Variants in AZI2 observed in about 807,000 individuals in gnomAD.
AZI2 encodes the protein 5-azacytidine-induced protein 2.
In AZI2, 22 loss-of-function variants were observed where a neutral mutation model predicts 45.8. The observed-to-expected ratio is 0.48, with a 90% CI of 0.34 to 0.69. The LOEUF (loss-of-function observed/expected upper bound fraction) is 0.69, where lower values mean the gene tolerates loss of function less well. Ranked by LOEUF, AZI2 falls within the 30% of genes least tolerant of loss-of-function variation. The pLI is 0.01. For missense variants in AZI2, 417 were observed against 441.5 expected (o/e 0.94, Z 0.50); for synonymous variants, 137 against 156.7 (o/e 0.87, Z 0.94).
chr3:28,331,821 A>C, intron 6 of AZI2: 1 of 1,540,456 alleles, frequency 6.5e-7, no homozygotes, highest in African/African-American at 1.4e-5. Flanking sequence ...TACGTATTTG[A>C]GGAAAAAGGG....
chr3:28,339,350 A>G (rs1703922279), intron 2 of AZI2, among the ~76,000 whole-genome samples: 2 of 152,306 alleles, frequency 1.3e-5, no homozygotes, highest in Admixed American at 6.5e-5. Flanking sequence ...CAGGATAGGA[A>G]TTAATAGGAT....
At chr3:28,329,889 CA>C (rs1703513290) in intron 6 of AZI2, among the ~76,000 whole-genome samples, 2 of 151,332 alleles carry the variant, frequency 1.3e-5, no homozygotes, top group East Asian at 3.9e-4. Context: ...GTGTGTAATG[CA>C]CTCTGGTATT....
chr3:28,336,350 T>A (rs1703788789), intron 5 of AZI2, among the ~76,000 whole-genome samples: 1 of 152,030 alleles, frequency 6.6e-6, no homozygotes, highest in Non-Finnish European at 1.5e-5. Context: ...AATCGAGTTG[T>A]CCCTTATGAT....
chr3:28,327,077 A>C (rs1703416588), intron 6 of AZI2, 127 bp from the exon 7 acceptor site: 1 of 641,654 alleles, frequency 1.6e-6, no homozygotes. Context: ...AACTGAAAAA[A>C]ACAATTGAAA....
chr3:28,324,246 G>C lies in AZI2; in HGVS notation c.975C>G (p.Ser325=), dbSNP rs1465745480. Residue 325 remains serine, a synonymous_variant, in exon 8 of 8, where the codon TCC becomes TCG. Coordinates refer to ENST00000479665, the MANE Select transcript of AZI2 (RefSeq NM_022461.5). ...ILQSWTDNER[S]IPNDGTCFQE... is the part of the protein sequence containing the mutation. ...GAAAGCATGTACCATCATTAGGAATGGATCTCTCATTGTCTGTCCATGATT... is the reference window on the plus strand; with the variant it reads ...GAAAGCATGTACCATCATTAGGAATCGATCTCTCATTGTCTGTCCATGATT... The C allele has an allele frequency of 6.2e-7, 1 of 1,610,116 alleles. No individual in the cohort carries two copies. Among genetic ancestry groups the C allele is most frequent in the South Asian group, 1.1e-5 (1 of 90,918 alleles).
rs566095092 is a variant in AZI2, at chr3:28,336,841, T to C, written c.484A>G (p.Lys162Glu). 8.1e-6 allele frequency: 13 copies of C among 1,613,224 alleles called. No individual in the cohort carries two copies. The highest frequency in any genetic ancestry group is 1.0e-5 in the Non-Finnish European group (12 of 1,179,524). ...TGGATCTTCAGGTCACAGCTCAACTTTTCCACCTCCCAGTTTGATGAAGGT... is the reference window on the plus strand; with the variant it reads ...TGGATCTTCAGGTCACAGCTCAACTCTTCCACCTCCCAGTTTGATGAAGGT... Reference protein sequence around the residue: ...NPPSSNWEVEKLSCDLKIHGL... With the variant: ...NPPSSNWEVEELSCDLKIHGL... Residue 162 changes from lysine to glutamate, a missense_variant, in exon 5 of 8, where the codon AAG becomes GAG. Physicochemically the swap from Lys to Glu is moderately conservative, Grantham distance 56. Coordinates refer to ENST00000479665, the MANE Select transcript of AZI2 (RefSeq NM_022461.5).
Position 28,324,206 on chromosome 3 carries a change from A to T in AZI2, c.1015T>A (p.Tyr339Asn). ...DGTCFQEHSS[Y>N]GRNSLEDNSW... ...TTGTCTTCCAGAGAATTTCTGCCATAAGAACTGTGTTCCTGAAAGCATGTA... is the reference window on the plus strand; with the variant it reads ...TTGTCTTCCAGAGAATTTCTGCCATTAGAACTGTGTTCCTGAAAGCATGTA... The change falls in exon 8 of 8, where the codon TAT becomes AAT. Residue 339 changes from tyrosine to asparagine, a missense_variant. Coordinates refer to ENST00000479665, the MANE Select transcript of AZI2 (RefSeq NM_022461.5). 1 of 1,610,690 alleles carries T rather than the reference A, an allele frequency of 6.2e-7. No individual in the cohort carries two copies. Among genetic ancestry groups the T allele is most frequent in the South Asian group, 1.1e-5 (1 of 90,986 alleles).
chr3:28,323,912 T>A lies in AZI2; in HGVS notation c.*130A>T. 3 of 1,060,646 alleles carry A rather than the reference T, an allele frequency of 2.8e-6. No individual in the cohort carries two copies. The highest frequency in any genetic ancestry group is 4.1e-6 in the Non-Finnish European group (3 of 736,232). The allele number at this position is 1,060,646 out of a possible 1,614,324, so 65.7% of individuals were successfully genotyped here. ...GTTTTTGTACTATTGTACAGTGTGT[T>A]CAAATATAGATACTGAAGACCTCTG... is the stretch of plus-strand genomic sequence containing the variant. On this transcript the variant is annotated 3_prime_UTR_variant, in exon 8 of 8. Transcript: ENST00000479665.
chr3:28,341,763 T>A (rs1002890982), intron 1 of AZI2: 2 of 152,086 alleles, frequency 1.3e-5, no homozygotes, highest in African/African-American at 4.8e-5. Flanking sequence ...ATAAAGATTA[T>A]CAATTGAATT....
At position 28,322,659 on chromosome 3, in the gene AZI2, T is replaced by C. The variant is rs1435869895; in HGVS notation, c.*1383A>G. On this transcript the variant is annotated 3_prime_UTR_variant, in exon 8 of 8. Coordinates refer to ENST00000479665, the MANE Select transcript of AZI2 (RefSeq NM_022461.5). ...TTTGGTTCTATTACTTGGCAGGAGATTGTACTCCCCTGAGTCAGCTGTGTT... is the reference window on the plus strand; with the variant it reads ...TTTGGTTCTATTACTTGGCAGGAGACTGTACTCCCCTGAGTCAGCTGTGTT... The C allele has an allele frequency of 6.6e-6, 1 of 151,588 alleles. No homozygotes were observed. Among genetic ancestry groups the C allele is most frequent in the Non-Finnish European group, 1.5e-5 (1 of 67,424 alleles). 9.4% of individuals were successfully genotyped at this position (151,588 alleles called of 1,614,324 possible).
chr3:28,338,200 A>G (rs1449306286), intron 3 of AZI2, among the ~76,000 whole-genome samples, 164 bp from the exon 4 acceptor site: 1 of 151,858 alleles, frequency 6.6e-6, no homozygotes, highest in African/African-American at 2.4e-5. Flanking sequence ...TTCCTAATTT[A>G]GGACATCATT....
chr3:28,331,484 C>A (rs531555620), intron 6 of AZI2, among the ~76,000 whole-genome samples: 13 of 151,594 alleles, frequency 8.6e-5, no homozygotes, highest in Non-Finnish European at 1.5e-4. Context: ...GCTCACAAAG[C>A]CGAATAAAAC....
chr3:28,323,820 C>A lies in AZI2; in HGVS notation c.*222G>T. The A allele has an allele frequency of 2.4e-6, 1 of 423,708 alleles. No homozygotes were observed. The highest frequency in any genetic ancestry group is 4.2e-6 in the Non-Finnish European group (1 of 237,332). 26.2% of individuals were successfully genotyped at this position (423,708 alleles called of 1,614,324 possible). ...GTTTACTTATTAATTAGTATAGTAGCATATTTCAGATTCTTAGAATATGGA... is the reference window on the plus strand; with the variant it reads ...GTTTACTTATTAATTAGTATAGTAGAATATTTCAGATTCTTAGAATATGGA... On this transcript the variant is annotated 3_prime_UTR_variant, in exon 8 of 8. Coordinates refer to ENST00000479665, the MANE Select transcript of AZI2 (RefSeq NM_022461.5).
At chr3:28,348,114 G>A (rs1427872896) in intron 1 of AZI2, 1 of 152,228 alleles carries the variant, frequency 6.6e-6, no homozygotes, top group African/African-American at 2.4e-5. Flanking sequence ...GCCGAAGGCT[G>A]GAATGAATAC....
At chr3:28,330,061 T>A (rs1703518279) in intron 6 of AZI2, among the ~76,000 whole-genome samples, 1 of 151,262 alleles carries the variant, frequency 6.6e-6, no homozygotes, top group Non-Finnish European at 1.5e-5. Flanking sequence ...TGTAACACAG[T>A]TCCACAATGT....
Position 28,340,503 on chromosome 3 carries a change from A to C in AZI2, c.115T>G (p.Phe39Val). 1 of 1,613,130 alleles carries C rather than the reference A, an allele frequency of 6.2e-7. No individual in the cohort carries two copies. Among genetic ancestry groups the C allele is most frequent in the Non-Finnish European group, 8.5e-7 (1 of 1,179,376 alleles). Residue 39 changes from phenylalanine to valine, a missense_variant, in exon 2 of 8, where the codon TTT becomes GTT. Phe to Val is a conservative substitution (Grantham distance 50, BLOSUM62 -1). Transcript: ENST00000479665. ...TCTTCATATGCAGTGACAAGAGCAA[A>C]ATGGGAAGCAACAGATTCATCTCCT... The part of the protein sequence containing the change: ...YSGDESVASH[F>V]ALVTAYEDIK...
At chr3:28,335,746 C>G (rs574920814) in intron 5 of AZI2, among the ~76,000 whole-genome samples, 3 of 152,082 alleles carry the variant, frequency 2.0e-5, no homozygotes, top group Admixed American at 1.3e-4. Context: ...AGGGCAGAAT[C>G]TGGAAAGCAG....
intron 4 of AZI2, among the ~76,000 whole-genome samples, chr3:28,337,693 C>T (rs1047085361): frequency 2.0e-5 from 3 of 152,126 alleles, no homozygotes; most frequent in Admixed American, 2.0e-4. Context: ...TCTTCTGCTT[C>T]ATCACAACCT....
In AZI2 at chr3:28,326,944, A is replaced by T. The variant is rs1305161073; in HGVS notation, c.654T>A (p.Asn218Lys). Residue 218 changes from asparagine to lysine, a missense_variant, in exon 7 of 8, where the codon AAT (asparagine) becomes AAA (lysine). By Grantham distance (94) the Asn-to-Lys change is moderately conservative. Coordinates refer to ENST00000479665, the MANE Select transcript of AZI2 (RefSeq NM_022461.5). ...DLQKLSISSD[N>K]MQHAYWELKR... is the part of the protein sequence containing the mutation. ...TCAGTTCCCAGTATGCATGCTGCAT[A>T]TTATCACTGAAATAAATTTTTTTAC... is the stretch of plus-strand genomic sequence containing the variant. 6.3e-7 allele frequency: 1 copy of T among 1,599,674 alleles called. No individual in the cohort carries two copies. Among genetic ancestry groups the T allele is most frequent in the Non-Finnish European group, 8.5e-7 (1 of 1,170,060 alleles).
Sources: gnomAD v4.1 joint callset for allele counts (sites outside exome capture counted in the v4.1 genomes callset) on GRCh38, gnomAD v4.1.1 for gene constraint, MANE v1.5 for transcripts, NCBI Gene and HGNC (gene_info 2026-07-23, HGNC 2026-07-21) for gene names.